PRKG1: variants seen among roughly 807,000 people sequenced by gnomAD.
PRKG1 encodes cGMP-dependent protein kinase 1.
In PRKG1, 35 loss-of-function variants were observed where a neutral mutation model predicts 88.1. The observed-to-expected ratio is 0.40, with a 90% CI of 0.30 to 0.53. The LOEUF (loss-of-function observed/expected upper bound fraction) is 0.53, where lower values mean the gene tolerates loss of function less well. Ranked by LOEUF, PRKG1 falls within the 20% of genes least tolerant of loss-of-function variation. PRKG1 has a pLI of 0.59. For missense variants in PRKG1, 540 were observed against 839.8 expected (o/e 0.64, Z 4.41); for synonymous variants, 303 against 292.5 (o/e 1.04, Z -0.37).
chr10:52,000,970 C>T (rs897774486), intron 5 of PRKG1, among the ~76,000 whole-genome samples: 2 of 151,912 alleles, frequency 1.3e-5, no homozygotes, highest in African/African-American at 4.8e-5. Context: ...GAGTTGTACC[C>T]TGAAGTTTTG....
intron 1 of PRKG1, among the ~76,000 whole-genome samples, chr10:51,056,215 C>T (rs1843624269): frequency 6.6e-6 from 1 of 152,182 alleles, no homozygotes; most frequent in South Asian, 2.1e-4. Flanking sequence ...TTCACTTGTT[C>T]TCCAAGTAGT....
At chr10:52,168,903 T>C (rs1017894948) in intron 9 of PRKG1, among the ~76,000 whole-genome samples, 1 of 152,128 alleles carries the variant, frequency 6.6e-6, no homozygotes. Context: ...AGGGTGATCA[T>C]GAACTGATTT....
chr10:51,487,534 C>A (rs1840583850), intron 3 of PRKG1, among the ~76,000 whole-genome samples: 1 of 152,106 alleles, frequency 6.6e-6, no homozygotes, highest in African/African-American at 2.4e-5. Context: ...GAAGCCCCAC[C>A]TGGTGATGTT....
At chr10:51,801,642 C>T (rs963380378) in intron 3 of PRKG1, among the ~76,000 whole-genome samples, 1 of 152,118 alleles carries the variant, frequency 6.6e-6, no homozygotes, top group Non-Finnish European at 1.5e-5. Flanking sequence ...AGTTGAACAA[C>T]AGATGAATTC....
intron 9 of PRKG1, 119 bp downstream of exon 9, chr10:52,162,082 G>C: frequency 4.8e-6 from 4 of 834,894 alleles, no homozygotes; most frequent in Non-Finnish European, 7.5e-6. Flanking sequence ...AATTAGTTGA[G>C]AGACAAAGAA....
chr10:51,961,395 G>A (rs1903959), intron 5 of PRKG1, among the ~76,000 whole-genome samples: 39,442 of 99,866 alleles, frequency 0.39, 5,304 homozygotes, highest in Middle Eastern at 0.45. Flanking sequence ...TGAAAAAAAA[G>A]AATCTGCATT....
At chr10:51,802,400 A>T (rs747649719) in intron 3 of PRKG1, among the ~76,000 whole-genome samples, 1 of 152,196 alleles carries the variant, frequency 6.6e-6, no homozygotes, top group Non-Finnish European at 1.5e-5. Context: ...ACAGGAACCA[A>T]AAAGTAAAAT....
At position 52,139,062 on chromosome 10, in the gene PRKG1, A is replaced by C. The variant is rs572702717; in HGVS notation, c.1001+5157A>C. The stretch of plus-strand genomic sequence containing the variant: ...TCCTTGACACCCAGACTGGAGCCTA[A>C]GTATTAAAACTGGGTATGTTTTAAT... On this transcript the variant is annotated intron_variant, in intron 8 of 17. Coordinates refer to ENST00000373980, the MANE Select transcript of PRKG1 (RefSeq NM_006258.4). 2.6e-5 allele frequency among the ~76,000 whole-genome samples: 4 copies of C among 152,238 alleles called. No individual in the cohort carries two copies. In the South Asian group the frequency reaches 8.3e-4, roughly 32 times the overall value.
At chr10:52,251,428 G>A (rs767244394) in intron 9 of PRKG1, 142 bp from the exon 10 acceptor site, 1 of 647,796 alleles carries the variant, frequency 1.5e-6, no homozygotes, top group Non-Finnish European at 2.6e-6. Flanking sequence ...TTATGAGTGT[G>A]AGAAAACACA....
chr10:51,020,135 A>C lies in PRKG1; in HGVS notation c.266+28491A>C, dbSNP rs1843117064. On this transcript the variant is annotated intron_variant, in intron 1 of 17. Coordinates refer to the PRKG1 transcript ENST00000401604. ...AATAGAATTACCATACGAGCTAACT[A>C]TTCTACTTTTACATGCTAGGCTAAT... Among the ~76,000 whole-genome samples the C allele has an allele frequency of 1.3e-5, 2 of 152,300 alleles. 1 individual carries two copies. The highest frequency in any genetic ancestry group is 4.1e-4 in the South Asian group (2 of 4,824).
intron 1 of PRKG1, among the ~76,000 whole-genome samples, chr10:51,102,352 A>G (rs1844706760): frequency 6.6e-6 from 1 of 152,154 alleles, no homozygotes; most frequent in Non-Finnish European, 1.5e-5. Flanking sequence ...ATTGACTCCT[A>G]TAAACTACCA....
At chr10:51,664,726 CAA>C (rs139598544) in intron 3 of PRKG1, among the ~76,000 whole-genome samples, 5,443 of 152,228 alleles carry the variant, frequency 0.036, 134 homozygotes, top group South Asian at 0.1. Context: ...GCATTGGAAC[CAA>C]ACCAATCTGA....
intron 7 of PRKG1, among the ~76,000 whole-genome samples, chr10:52,066,197 T>C (rs927017868): frequency 6.6e-6 from 1 of 152,206 alleles, no homozygotes. Context: ...TGATTTTACA[T>C]TGTTGACCAC....
At position 51,794,622 on chromosome 10, in the gene PRKG1, T is replaced by C. The variant is rs1445283525; in HGVS notation, c.593-9963T>C. 3.3e-5 allele frequency among the ~76,000 whole-genome samples: 5 copies of C among 152,216 alleles called. No individual in the cohort carries two copies. In the East Asian group the frequency reaches 9.6e-4, roughly 29 times the overall value. On this transcript the variant is annotated intron_variant, in intron 3 of 17. Transcript: ENST00000373980. ...TCTTGAAAAATGCCAAGAGAATGGA[T>C]GTAAAGTGTTCTCACCACAAAAATG...
intron 1 of PRKG1, among the ~76,000 whole-genome samples, chr10:51,039,576 T>G (rs1843394285): frequency 1.3e-5 from 2 of 152,008 alleles, no homozygotes; most frequent in South Asian, 4.1e-4. Flanking sequence ...TGTGGAGAAG[T>G]TTTTGTGTGT....
chr10:51,355,348 A>AT (rs770077596), intron 2 of PRKG1, among the ~76,000 whole-genome samples: 5 of 152,016 alleles, frequency 3.3e-5, no homozygotes, highest in Non-Finnish European at 5.9e-5. Flanking sequence ...TTAAAGGATG[A>AT]TTTTTCAGAC....
chr10:51,631,755 T>C (rs1554827338), intron 3 of PRKG1, among the ~76,000 whole-genome samples: 1 of 152,230 alleles, frequency 6.6e-6, no homozygotes, highest in Non-Finnish European at 1.5e-5. Context: ...ATGCTGCTGC[T>C]GATCTGACAG....
intron 5 of PRKG1, among the ~76,000 whole-genome samples, chr10:51,917,572 T>A (rs1446322046): frequency 3.9e-5 from 6 of 152,190 alleles, no homozygotes. Flanking sequence ...GGGGTCTCAT[T>A]TGACTTGACA....
intron 2 of PRKG1, among the ~76,000 whole-genome samples, chr10:51,364,443 T>G (rs1362408181): frequency 6.6e-6 from 1 of 151,974 alleles, no homozygotes. Context: ...CAAGTTGTGG[T>G]ATGTGCTTGA....
Sources: allele counts gnomAD v4.1 joint callset (sites outside exome capture counted in the v4.1 genomes callset), GRCh38; gene constraint gnomAD v4.1.1; transcripts MANE v1.5; gene names NCBI Gene and HGNC (gene_info 2026-07-23, HGNC 2026-07-21).